The following ABCA3 variants were observed in gnomAD, a reference collection of about 807,000 sequenced individuals.
The protein encoded by ABCA3 is ATP binding cassette subfamily A member 3, also known as phospholipid-transporting ATPase ABCA3.
ABCA3 carries 88 observed loss-of-function variants against 172.8 expected under a neutral mutation model. The observed-to-expected ratio is 0.51, with a 90% confidence interval of 0.43 to 0.61. The LOEUF (loss-of-function observed/expected upper bound fraction) is 0.61. ABCA3 is among the 20% of genes least tolerant of loss of function. The pLI is 0.00. For synonymous variants in ABCA3, 1,066 were observed against 983.8 expected (o/e 1.08, Z -1.56); for missense variants, 2,164 against 2,301.0 (o/e 0.94, Z 1.22).
intron 1 of ABCA3, among the ~76,000 whole-genome samples, chr16:2,335,933 G>C (rs1339870144): frequency 3.3e-5 from 5 of 152,148 alleles, no homozygotes; most frequent in African/African-American, 4.8e-5. Flanking sequence ...TTAAGGAGAA[G>C]GTACAGATTT....
chr16:2,298,716 A>G (rs917394660), intron 14 of ABCA3, among the ~76,000 whole-genome samples, 176 bp from the exon 15 acceptor site: 9 of 152,152 alleles, frequency 5.9e-5, no homozygotes, highest in African/African-American at 1.9e-4. Context: ...AGTGGGAAAA[A>G]GAAGCGGCAT....
At chr16:2,299,097 C>T (rs559179555) in intron 14 of ABCA3, among the ~76,000 whole-genome samples, 178 of 140,024 alleles carry the variant, frequency 1.3e-3, no homozygotes, top group Non-Finnish European at 2.5e-3. Context: ...CCCTGGGGGT[C>T]CCCCTGCATT....
Position 2,285,081 on chromosome 16 carries a change from G to A in ABCA3, c.3484-83C>T. 1 of 1,438,718 alleles carries A rather than the reference G, an allele frequency of 7.0e-7. No homozygotes were observed. Among genetic ancestry groups the A allele is most frequent in the Admixed American group, 1.9e-5 (1 of 51,352 alleles). 89.1% of individuals were successfully genotyped at this position (1,438,718 alleles called of 1,614,324 possible). A position where few individuals can be genotyped will look rare whatever the true frequency, so the allele number is the denominator to read the frequency against. On this transcript the variant is annotated intron_variant, in intron 23 of 32. Transcript: ENST00000301732. The surrounding 1 kb of genome is among the most constrained non-coding windows in gnomAD (Gnocchi z 4.7). ...AGGGAAGGGGTGAGAGGAGCATTTG[G>A]AGGTCCTCAGACCCCTCCCGGTCAG... is the stretch of plus-strand genomic sequence containing the variant.
rs2093661225 is a variant in ABCA3 at position 2,285,302 on chromosome 16, G to A, written c.3483+140C>T. On this transcript the variant is annotated intron_variant, in intron 23 of 32. Coordinates refer to ENST00000301732, the MANE Select transcript of ABCA3 (RefSeq NM_001089.3). This position sits in a 1 kb window ranked among gnomAD's most constrained non-coding sequence, Gnocchi z 4.7. ...GAGGAGGCGAGGGGGCAGCCGCCAG[G>A]GGATTCCAGCTGTCCTCCCTGAGTC... 9.3e-7 allele frequency: 1 copy of A among 1,074,672 alleles called. No homozygotes were observed. Among genetic ancestry groups the A allele is most frequent in the African/African-American group, 1.6e-5 (1 of 64,104 alleles). The allele number at this position is 1,074,672 out of a possible 1,614,324, so 66.6% of individuals were successfully genotyped here.
Position 2,283,709 on chromosome 16 carries a change from A to G in ABCA3, c.3863-351T>C. 3.0e-6 allele frequency: 1 copy of G among 337,046 alleles called. No individual in the cohort carries two copies. The highest frequency in any genetic ancestry group is 5.6e-6 in the Non-Finnish European group (1 of 177,916). The allele number at this position is 337,046 out of a possible 1,614,324, so 20.9% of individuals were successfully genotyped here. On this transcript the variant is annotated intron_variant, in intron 25 of 32. Coordinates refer to ENST00000301732, the MANE Select transcript of ABCA3 (RefSeq NM_001089.3). This position sits in a 1 kb window ranked among gnomAD's most constrained non-coding sequence, Gnocchi z 5.4. ...GTGTGGGAGGCTGAGGAGGCCCCAC[A>G]GGACAGGTCCAAGTTCTGTCCCCCT... is the stretch of plus-strand genomic sequence containing the variant.
intron 10 of ABCA3, among the ~76,000 whole-genome samples, chr16:2,315,106 A>G (rs1389817377): frequency 6.8e-6 from 1 of 147,418 alleles, no homozygotes; most frequent in African/African-American, 2.5e-5. Context: ...GATGGTCTCA[A>G]TCTCCTGACC....
intron 10 of ABCA3, among the ~76,000 whole-genome samples, chr16:2,314,200 C>G (rs1245872882): frequency 1.3e-5 from 2 of 152,182 alleles, no homozygotes; most frequent in Non-Finnish European, 2.9e-5. Flanking sequence ...CTCATGACAG[C>G]CACAACACAG....
In ABCA3 at chr16:2,281,256, G is replaced by C; in HGVS notation, c.4165-35C>G. 1 of 1,613,230 alleles carries C rather than the reference G, an allele frequency of 6.2e-7. No homozygotes were observed. The highest frequency in any genetic ancestry group is 8.5e-7 in the Non-Finnish European group (1 of 1,179,914). The stretch of plus-strand genomic sequence containing the variant: ...CCCAACAGAAAACACGGAATGCGGA[G>C]GCCTGGACGCAAAGCAGAGCAGTCT... On this transcript the variant is annotated intron_variant, in intron 27 of 32. Transcript: ENST00000301732. The surrounding 1 kb of genome is among the most constrained non-coding windows in gnomAD (Gnocchi z 4.7).
Position 2,328,685 on chromosome 16 carries a change from TCATGTG to T in ABCA3, c.-265_-260del. ...AGGAGTCCTTCCCGCTCAGCGTCCT[TCATGTG>T]CGGAAAAGCCTCCTTGACTCACAGT... On this transcript the variant is annotated 5_prime_UTR_variant, in exon 3 of 33. It removes an upstream start codon present in the reference 5' UTR. Coordinates refer to ENST00000301732, the MANE Select transcript of ABCA3 (RefSeq NM_001089.3). The T allele has an allele frequency of 2.6e-6, 1 of 387,586 alleles. No individual in the cohort carries two copies. Among genetic ancestry groups the T allele is most frequent in the South Asian group, 1.8e-5 (1 of 54,848 alleles). The allele number at this position is 387,586 out of a possible 1,614,324, so 24.0% of individuals were successfully genotyped here. A position where few individuals can be genotyped will look rare whatever the true frequency, so the allele number is the denominator to read the frequency against.
intron 11 of ABCA3, 40 bp from the exon 12 acceptor site, chr16:2,304,190 G>T: frequency 6.2e-7 from 1 of 1,613,102 alleles, no homozygotes; most frequent in African/African-American, 1.3e-5. Context: ...AAGCCAGCAG[G>T]CTGGGGGGCC....
chr16:2,323,581 G>C lies in ABCA3; in HGVS notation c.555C>G (p.Phe185Leu). The change falls in exon 7 of 33, where the codon TTC becomes TTG. Residue 185 changes from phenylalanine to leucine, a missense_variant. Transcript: ENST00000301732. ...TTGGTCCTGGGTTTGGGAAAAGCGG[G>C]AAAAGGGAAGTAGTGTGCCAGCCTT... is the stretch of plus-strand genomic sequence containing the variant. ...ETEGWHTTSL[F>L]PLFPNPGPRE... 6.2e-7 allele frequency: 1 copy of C among 1,614,176 alleles called. No individual in the cohort carries two copies. Among genetic ancestry groups the C allele is most frequent in the East Asian group, 2.2e-5 (1 of 44,886 alleles).
rs1162146316 is a variant in ABCA3, at chr16:2,329,690, G to A, written c.-374C>T. ...CTCCACACAGCAGGTCTCCCTTCAGGACTACTGGGGAACTGGCCAGGAGGA... is the reference window on the plus strand; with the variant it reads ...CTCCACACAGCAGGTCTCCCTTCAGAACTACTGGGGAACTGGCCAGGAGGA... On this transcript the variant is annotated 5_prime_UTR_variant, in exon 2 of 33. Coordinates refer to ENST00000301732, the MANE Select transcript of ABCA3 (RefSeq NM_001089.3). The A allele has an allele frequency of 6.6e-6, 1 of 152,546 alleles. No individual in the cohort carries two copies. Among genetic ancestry groups the A allele is most frequent in the Admixed American group, 6.5e-5 (1 of 15,280 alleles). The allele number at this position is 152,546 out of a possible 1,614,324, so 9.4% of individuals were successfully genotyped here.
chr16:2,327,326 G>C (rs2093735889), intron 3 of ABCA3, among the ~76,000 whole-genome samples: 1 of 152,046 alleles, frequency 6.6e-6, no homozygotes, highest in Admixed American at 6.5e-5. Flanking sequence ...CATCCTTGTA[G>C]TGCTATTTAC....
chr16:2,327,438 G>A (rs1187255971), intron 3 of ABCA3, among the ~76,000 whole-genome samples: 1 of 152,208 alleles, frequency 6.6e-6, no homozygotes, highest in Non-Finnish European at 1.5e-5. Flanking sequence ...TGACTGACCA[G>A]CTTTATTCTT....
At chr16:2,334,167 G>A (rs1315860591) in intron 1 of ABCA3, among the ~76,000 whole-genome samples, 1 of 152,190 alleles carries the variant, frequency 6.6e-6, no homozygotes, top group Non-Finnish European at 1.5e-5. Flanking sequence ...ATGGGGGGAG[G>A]TGACATGGGA....
At chr16:2,276,907 A>C in intron 32 of ABCA3, 102 bp from the exon 33 acceptor site, 4 of 1,488,702 alleles carry the variant, frequency 2.7e-6, no homozygotes, top group Non-Finnish European at 3.7e-6. Flanking sequence ...GGCCCCCACA[A>C]TCCTACCCCT....
At chr16:2,291,729 C>T (rs1249890297) in intron 19 of ABCA3, among the ~76,000 whole-genome samples, 2 of 152,218 alleles carry the variant, frequency 1.3e-5, no homozygotes, top group African/African-American at 2.4e-5. Context: ...CCTCCAGCCT[C>T]ACGTGGGCAT....
At chr16:2,294,175 G>T (rs578067269) in intron 18 of ABCA3, among the ~76,000 whole-genome samples, 1 of 150,172 alleles carries the variant, frequency 6.7e-6, no homozygotes, top group African/African-American at 2.4e-5. Flanking sequence ...CCACCACCAC[G>T]CCCGGCTAAT....
At position 2,332,168 on chromosome 16, in the gene ABCA3, C is replaced by T. The variant is rs992825354; in HGVS notation, c.-538-2314G>A. ...GCCATCGGCTGTGCCAGTTAACAAG[C>T]GCTGTGGCTCTTCAGGCGGCCAGTG... On this transcript the variant is annotated intron_variant, in intron 1 of 32. Transcript: ENST00000301732. The T allele has an allele frequency of 9.5e-5, 32 of 336,468 alleles. No homozygotes were observed. The Admixed American group carries it at 1.4e-3, about 15-fold the overall frequency. The allele number at this position is 336,468 out of a possible 1,614,324, so 20.8% of individuals were successfully genotyped here. A position where few individuals can be genotyped will look rare whatever the true frequency, so the allele number is the denominator to read the frequency against.
Sources: allele counts gnomAD v4.1 joint callset (sites outside exome capture counted in the v4.1 genomes callset), GRCh38; gene constraint gnomAD v4.1.1; non-coding constraint Gnocchi (gnomAD v3.1); transcripts MANE v1.5; gene names NCBI Gene and HGNC (gene_info 2026-07-23, HGNC 2026-07-21).